TBC1D22A: variants seen among roughly 807,000 people sequenced by gnomAD.
TBC1D22A encodes putative GTPase activator.
In TBC1D22A, 38 loss-of-function variants were observed where a neutral mutation model predicts 60.2. The observed-to-expected ratio is 0.63, with a 90% CI of 0.49 to 0.83. TBC1D22A has a LOEUF of 0.83. Among genes scored for constraint, TBC1D22A ranks in the 40% least tolerant of loss-of-function variants. TBC1D22A has a pLI of 0.00. For missense variants in TBC1D22A, 628 were observed against 701.0 expected (o/e 0.90, Z 1.18); for synonymous variants, 302 against 281.7 (o/e 1.07, Z -0.72).
At chr22:46,892,065 G>T (rs758953236) in intron 6 of TBC1D22A, among the ~76,000 whole-genome samples, 4 of 152,286 alleles carry the variant, frequency 2.6e-5, no homozygotes, top group Non-Finnish European at 5.9e-5. Flanking sequence ...TGTTAGAATA[G>T]CTCTTTGAGG....
At chr22:46,968,600 C>T (rs1218081100) in intron 8 of TBC1D22A, among the ~76,000 whole-genome samples, 1 of 151,106 alleles carries the variant, frequency 6.6e-6, no homozygotes, top group Non-Finnish European at 1.5e-5. Context: ...AGTGGGCGGG[C>T]GTCCTCACTG....
At chr22:46,904,774 A>ATT (rs777988768) in intron 7 of TBC1D22A, among the ~76,000 whole-genome samples, 7 of 136,340 alleles carry the variant, frequency 5.1e-5, no homozygotes, top group East Asian at 2.1e-4. Context: ...GGCCGAGAAA[A>ATT]TTTTTTTTTT....
At chr22:47,142,068 G>A (rs889772438) in intron 12 of TBC1D22A, among the ~76,000 whole-genome samples, 2 of 152,176 alleles carry the variant, frequency 1.3e-5, no homozygotes, top group Non-Finnish European at 2.9e-5. Context: ...TCTGGCCCCT[G>A]TGGCTCTTTG....
In TBC1D22A at chr22:46,920,604, G is replaced by A. The variant is rs965332415; in HGVS notation, c.1015+8416G>A. Among the ~76,000 whole-genome samples, 5 of 152,046 alleles carry A rather than the reference G, an allele frequency of 3.3e-5. No homozygotes were observed. In the South Asian group the frequency reaches 6.2e-4, roughly 19 times the overall value. ...GCTCCTCGAATCTGGGGACTGTGTC[G>A]CATGCGTGTGTCATGCTTTGCACAG... On this transcript the variant is annotated intron_variant, in intron 8 of 12. Coordinates refer to ENST00000337137, the MANE Select transcript of TBC1D22A (RefSeq NM_014346.5).
chr22:47,019,183 C>T (rs993929288), intron 10 of TBC1D22A, among the ~76,000 whole-genome samples: 5 of 152,204 alleles, frequency 3.3e-5, no homozygotes, highest in African/African-American at 1.2e-4. Flanking sequence ...CCTCCCAGTG[C>T]GCTGGGTGGA....
intron 12 of TBC1D22A, among the ~76,000 whole-genome samples, chr22:47,121,714 A>T (rs6007605): frequency 0.026 from 3,907 of 147,484 alleles, 160 homozygotes; most frequent in African/African-American, 0.091. Context: ...TTGAAAAAAA[A>T]TTTTTTTTTT....
intron 11 of TBC1D22A, among the ~76,000 whole-genome samples, chr22:47,065,346 T>C (rs1168846343): frequency 6.6e-6 from 1 of 152,200 alleles, no homozygotes; most frequent in East Asian, 1.9e-4. Context: ...GGTTATTTTT[T>C]AGTTCTTTTT....
At chr22:46,934,850 G>T (rs1291864759) in intron 8 of TBC1D22A, among the ~76,000 whole-genome samples, 2 of 152,186 alleles carry the variant, frequency 1.3e-5, no homozygotes, top group African/African-American at 4.8e-5. Flanking sequence ...CCTGTCCAGG[G>T]GCCCTCCCTG....
At chr22:46,981,754 T>A (rs1200704078) in intron 9 of TBC1D22A, among the ~76,000 whole-genome samples, 1 of 152,206 alleles carries the variant, frequency 6.6e-6, no homozygotes, top group Non-Finnish European at 1.5e-5. Context: ...TCTTTATGAG[T>A]TGCCCAGTCT....
At chr22:47,050,278 T>G (rs186832953) in intron 11 of TBC1D22A, among the ~76,000 whole-genome samples, 1,996 of 151,588 alleles carry the variant, frequency 0.013, 17 homozygotes, top group Middle Eastern at 0.034. Flanking sequence ...GTGCTGGGAT[T>G]ACAGACATGA....
chr22:46,852,119 C>T (rs922037660), intron 4 of TBC1D22A, among the ~76,000 whole-genome samples: 4 of 152,196 alleles, frequency 2.6e-5, no homozygotes, highest in Admixed American at 6.5e-5. Context: ...CTTTCCCAGG[C>T]GTGCTGCAGC....
chr22:46,922,462 A>G (rs2070813106), intron 8 of TBC1D22A, among the ~76,000 whole-genome samples: 1 of 152,208 alleles, frequency 6.6e-6, no homozygotes, highest in South Asian at 2.1e-4. Context: ...TAATTCTGCA[A>G]AAAATGTCAT....
At chr22:46,953,709 G>A (rs1013558094) in intron 8 of TBC1D22A, among the ~76,000 whole-genome samples, 10 of 152,014 alleles carry the variant, frequency 6.6e-5, no homozygotes, top group African/African-American at 1.9e-4. Flanking sequence ...GCATAATTTC[G>A]GATTGGAAGT....
chr22:47,034,252 G>A (rs1329233369), intron 10 of TBC1D22A, among the ~76,000 whole-genome samples: 3 of 152,022 alleles, frequency 2.0e-5, no homozygotes, highest in African/African-American at 4.8e-5. Context: ...TGGAGCTCTT[G>A]GAGTGGGTGT....
At chr22:47,098,782 G>A (rs1422634648) in intron 11 of TBC1D22A, among the ~76,000 whole-genome samples, 1 of 152,224 alleles carries the variant, frequency 6.6e-6, no homozygotes, top group African/African-American at 2.4e-5. Context: ...TGCCCTCGCT[G>A]GGCTGAGACG....
intron 4 of TBC1D22A, among the ~76,000 whole-genome samples, chr22:46,829,762 T>C (rs2086228412): frequency 6.6e-6 from 1 of 152,234 alleles, no homozygotes; most frequent in African/African-American, 2.4e-5. Context: ...TCCATGGATT[T>C]CTGAGGTTAT....
intron 10 of TBC1D22A, among the ~76,000 whole-genome samples, chr22:47,008,524 G>C (rs990828584): frequency 4.6e-5 from 7 of 152,356 alleles, no homozygotes; most frequent in Admixed American, 4.6e-4. Context: ...AGTCTTTGTG[G>C]AGGCTGATTT....
chr22:47,095,681 CCTTTGAG>C (rs1179057449), intron 11 of TBC1D22A, among the ~76,000 whole-genome samples: 4 of 152,260 alleles, frequency 2.6e-5, no homozygotes, highest in African/African-American at 9.6e-5. Context: ...GCTGTCCATC[CCTTTGAG>C]CTTCTCTCAA....
At chr22:46,916,727 C>T (rs771740223) in intron 8 of TBC1D22A, among the ~76,000 whole-genome samples, 25 of 152,210 alleles carry the variant, frequency 1.6e-4, no homozygotes, top group Non-Finnish European at 2.1e-4. Context: ...AGAGGTCAAG[C>T]GATCTTGCGT....
Sources: allele counts gnomAD v4.1 joint callset (sites outside exome capture counted in the v4.1 genomes callset), GRCh38; gene constraint gnomAD v4.1.1; transcripts MANE v1.5; gene names NCBI Gene and HGNC (gene_info 2026-07-23, HGNC 2026-07-21).